The following SLC52A3 variants were observed in gnomAD, a reference collection of about 807,000 sequenced individuals.
The protein encoded by SLC52A3 is solute carrier family 52 member 3.
SLC52A3 carries 20 observed loss-of-function variants against 29.5 expected under a neutral mutation model. That is an observed-to-expected ratio of 0.68 (90% CI 0.48 to 0.99). SLC52A3 has a LOEUF of 0.99. SLC52A3 is among the 50% of genes least tolerant of loss of function. The pLI is 0.00. For missense variants in SLC52A3, 548 were observed against 612.9 expected (o/e 0.89, Z 1.12); for synonymous variants, 301 against 271.0 (o/e 1.11, Z -1.09).
chr20:779,451 G>A (rs548066201), upstream of SLC52A3, among the ~76,000 whole-genome samples: 17 of 152,250 alleles, frequency 1.1e-4, no homozygotes, highest in Admixed American at 2.6e-4. Flanking sequence ...ATGAAACCCT[G>A]TCTCTACTAA....
upstream of SLC52A3, among the ~76,000 whole-genome samples, chr20:771,862 A>G (rs1986850340): frequency 6.6e-6 from 1 of 152,244 alleles, no homozygotes; most frequent in African/African-American, 2.4e-5. Flanking sequence ...AGCCTCAGAC[A>G]TTCCAGGAGA....
At chr20:763,447 G>A (rs1428068677) in intron 3 of SLC52A3, 51 bp downstream of exon 3, 10 of 1,611,794 alleles carry the variant, frequency 6.2e-6, no homozygotes, top group Non-Finnish European at 7.6e-6. Flanking sequence ...TCTGGGTTCT[G>A]AAATGAAGTG....
chr20:763,364 G>T, intron 3 of SLC52A3, 134 bp downstream of exon 3: 1 of 1,165,258 alleles, frequency 8.6e-7, no homozygotes, highest in Non-Finnish European at 1.2e-6. Context: ...GGCAGAGCTG[G>T]GATTTGGACC....
upstream of SLC52A3, among the ~76,000 whole-genome samples, chr20:778,784 C>T (rs566997753): frequency 6.7e-6 from 1 of 149,572 alleles, no homozygotes; most frequent in African/African-American, 2.5e-5. Context: ...TGGAGTGCAG[C>T]GGCCAGGCTG....
At chr20:766,808 A>G (rs181655015) in intron 1 of SLC52A3, among the ~76,000 whole-genome samples, 56 of 152,290 alleles carry the variant, frequency 3.7e-4, no homozygotes, top group Admixed American at 1.4e-3. Context: ...CCTAATATAT[A>G]AAGAGTTTTT....
upstream of SLC52A3, among the ~76,000 whole-genome samples, chr20:777,254 A>AAACAAACC (rs1987071144): frequency 1.5e-5 from 1 of 67,002 alleles, no homozygotes; most frequent in Non-Finnish European, 3.4e-5. Context: ...AAAAACAAAC[A>AAACAAACC]AACAAACAAA....
chr20:769,042 A>G (rs929259506), upstream of SLC52A3, among the ~76,000 whole-genome samples: 2 of 152,182 alleles, frequency 1.3e-5, no homozygotes, highest in African/African-American at 4.8e-5. Context: ...GCAGGCACAT[A>G]CCTTGAGACT....
chr20:760,587 C>T lies in SLC52A3; in HGVS notation c.*439G>A. The T allele has an allele frequency of 5.5e-6, 1 of 182,968 alleles. No individual in the cohort carries two copies. The highest frequency in any genetic ancestry group is 2.6e-3 in the Middle Eastern group (1 of 378). The allele number at this position is 182,968 out of a possible 1,614,324, so 11.3% of individuals were successfully genotyped here. ...GCTTGCTTGATGCGGGCTGCTTTTTCCTTTTGCCTCCGTGCCATGCCTGTG... is the reference window on the plus strand; with the variant it reads ...GCTTGCTTGATGCGGGCTGCTTTTTTCTTTTGCCTCCGTGCCATGCCTGTG... On this transcript the variant is annotated 3_prime_UTR_variant, in exon 5 of 5. Transcript: ENST00000645534. The surrounding 1 kb of genome is among the most constrained non-coding windows in gnomAD (Gnocchi z 4.9).
chr20:769,504 C>T (rs1986784591), upstream of SLC52A3, among the ~76,000 whole-genome samples: 1 of 152,234 alleles, frequency 6.6e-6, no homozygotes, highest in Admixed American at 6.5e-5. Flanking sequence ...TAGGAACATG[C>T]ACTAAAGTGC....
At chr20:778,932 A>G (rs945066784), upstream of SLC52A3, among the ~76,000 whole-genome samples, 1 of 152,234 alleles carries the variant, frequency 6.6e-6, no homozygotes, top group Non-Finnish European at 1.5e-5. Flanking sequence ...AATTTGGCAT[A>G]GAGGGTACAA....
At position 760,897 on chromosome 20, in the gene SLC52A3, A is replaced by G; in HGVS notation, c.*129T>C. ...AGGTGCCATCTTCCCCACAGTCCCC[A>G]GTGGGCACTTGCGTTCATGATTCAA... On this transcript the variant is annotated 3_prime_UTR_variant, in exon 5 of 5. Coordinates refer to ENST00000645534, the MANE Select transcript of SLC52A3 (RefSeq NM_033409.4). This position sits in a 1 kb window ranked among gnomAD's most constrained non-coding sequence, Gnocchi z 4.9. The G allele has an allele frequency of 1.1e-6, 1 of 922,882 alleles. No individual in the cohort carries two copies. Among genetic ancestry groups the G allele is most frequent in the South Asian group, 1.6e-5 (1 of 62,318 alleles). The allele number at this position is 922,882 out of a possible 1,614,324, so 57.2% of individuals were successfully genotyped here.
At position 766,837 on chromosome 20, in the gene SLC52A3, GA is replaced by G. The variant is rs57337986; in HGVS notation, c.-51-1013del. Among the ~76,000 whole-genome samples, 1,469 of 152,254 alleles carry G rather than the reference GA, an allele frequency of 9.6e-3. 16 individuals are homozygous for G. Among genetic ancestry groups the G allele is most frequent in the African/African-American group, 0.033 (1,384 of 41,516 alleles). ...AGTTTTTAAAAATCAAGAACAAAGA[GA>G]CCCCATATAGAAGAGGGCCAAGGAT... On this transcript the variant is annotated intron_variant, in intron 1 of 4. Transcript: ENST00000645534.
Position 763,794 on chromosome 20 carries a change from C to T in SLC52A3, c.777G>A (p.Gln259=). ...EASVEDLLND[Q]VTLHSIRPRE... is the part of the protein sequence containing the mutation. ...GCGGCCGGATGGAGTGGAGGGTGAC[C>T]TGGTCATTGAGGAGGTCTTCCACGG... Residue 259 remains glutamine (Q), a synonymous_variant, in exon 3 of 5, where the codon CAG becomes CAA. Transcript: ENST00000645534. 6.2e-7 allele frequency: 1 copy of T among 1,614,112 alleles called. No individual in the cohort carries two copies. The highest frequency in any genetic ancestry group is 8.5e-7 in the Non-Finnish European group (1 of 1,179,990).
intron 3 of SLC52A3, 128 bp downstream of exon 3, chr20:763,370 G>C: frequency 8.0e-7 from 1 of 1,252,720 alleles, no homozygotes. Flanking sequence ...GCTGGGATTT[G>C]GACCAGGGTG....
rs1986564432 is a variant in SLC52A3, at chr20:763,632, G to A, written c.939C>T (p.Leu313=). The change falls in exon 3 of 5, where the codon CTC becomes CTT. Residue 313 remains leucine, a synonymous_variant. Coordinates refer to ENST00000645534, the MANE Select transcript of SLC52A3 (RefSeq NM_033409.4). ...IYTLVAFVNA[L]TNGMLPSVQT... Reference sequence around the variant, plus strand: ...GCACAGAGGGCAGCATGCCGTTGGTGAGCGCGTTGACGAAGGCCACCAGGG... The same window carrying A: ...GCACAGAGGGCAGCATGCCGTTGGTAAGCGCGTTGACGAAGGCCACCAGGG... 2.5e-6 allele frequency: 4 copies of A among 1,614,086 alleles called. No individual in the cohort carries two copies. Among genetic ancestry groups the A allele is most frequent in the East Asian group, 2.2e-5 (1 of 44,894 alleles).
intron 1 of SLC52A3, among the ~76,000 whole-genome samples, chr20:767,901 C>T (rs1280143989): frequency 1.3e-5 from 2 of 152,172 alleles, no homozygotes; most frequent in African/African-American, 4.8e-5. Context: ...CAACTTTCTT[C>T]TATCTATCCT....
chr20:760,783 C>A lies in SLC52A3; in HGVS notation c.*243G>T. The A allele has an allele frequency of 1.7e-6, 1 of 574,764 alleles. No individual in the cohort carries two copies. Among genetic ancestry groups the A allele is most frequent in the South Asian group, 2.3e-5 (1 of 44,092 alleles). 35.6% of individuals were successfully genotyped at this position (574,764 alleles called of 1,614,324 possible). A position where few individuals can be genotyped will look rare whatever the true frequency, so the allele number is the denominator to read the frequency against. On this transcript the variant is annotated 3_prime_UTR_variant, in exon 5 of 5. Transcript: ENST00000645534. The surrounding 1 kb of genome is among the most constrained non-coding windows in gnomAD (Gnocchi z 4.9). ...CAGCTAGATGCTGCAAATCAGTCCT[C>A]TCTTGAGAGTCAAAGCAAAGGAGAT...
At chr20:769,777 A>G (rs1184909063), upstream of SLC52A3, among the ~76,000 whole-genome samples, 3 of 152,058 alleles carry the variant, frequency 2.0e-5, no homozygotes, top group East Asian at 5.8e-4. Context: ...CACACCTGTA[A>G]TCCCAGCTAC....
intron 4 of SLC52A3, 160 bp from the exon 5 acceptor site, chr20:761,398 T>TTGGCCGCCC: frequency 2.3e-6 from 2 of 881,110 alleles, no homozygotes; most frequent in Non-Finnish European, 3.4e-6. Flanking sequence ...GTCCCATGAG[T>TTGGCCGCCC]TGGCCGCCCG....
Sources: gnomAD v4.1 joint callset for allele counts (sites outside exome capture counted in the v4.1 genomes callset) on GRCh38, gnomAD v4.1.1 for gene constraint, Gnocchi (gnomAD v3.1) non-coding constraint, MANE v1.5 for transcripts, NCBI Gene and HGNC (gene_info 2026-07-23, HGNC 2026-07-21) for gene names.